Variants in FER1L5 observed in about 807,000 individuals in gnomAD.
The protein encoded by FER1L5 is fer-1-like protein 5.
FER1L5 carries 187 observed loss-of-function variants against 279.9 expected under a neutral mutation model. The observed-to-expected ratio is 0.67, with a 90% CI of 0.59 to 0.75. The LOEUF (loss-of-function observed/expected upper bound fraction) is 0.75. FER1L5 is among the 30% of genes least tolerant of loss of function. FER1L5 has a pLI of 0.00. For synonymous variants in FER1L5, 921 were observed against 989.7 expected (o/e 0.93, Z 1.30); for missense variants, 2,091 against 2,594.4 (o/e 0.81, Z 4.21).
In FER1L5 at chr2:96,704,352, A is replaced by T. The variant is rs376789647; in HGVS notation, c.5939A>T (p.Tyr1980Phe). ...GCACTTATGCTGTTTAACTTCATCT[A>T]TTCAGCTCCGGTGAGTGGCAGCCAT... Reference protein sequence around the residue: ...IIALMLFNFIYSAPHYLAMSW... With the variant: ...IIALMLFNFIFSAPHYLAMSW... The change falls in exon 52 of 53, where the codon TAT (tyrosine) becomes TTT (phenylalanine). Residue 1980 changes from tyrosine to phenylalanine, a missense_variant. Transcript: ENST00000624922. 17 of 1,613,768 alleles carry T rather than the reference A, an allele frequency of 1.1e-5. No homozygotes were observed. The highest frequency in any genetic ancestry group is 1.1e-5 in the Non-Finnish European group (13 of 1,179,862).
intron 51 of FER1L5, 111 bp from the exon 52 acceptor site, chr2:96,704,104 C>A: frequency 7.5e-7 from 1 of 1,327,332 alleles, no homozygotes; most frequent in Non-Finnish European, 1.0e-6. Context: ...GCGTGAGACA[C>A]TGTGCCTGGC....
rs1459648626 is a variant in FER1L5 at position 96,661,412 on chromosome 2, A to G, written c.866A>G (p.Tyr289Cys). The G allele has an allele frequency of 1.9e-6, 3 of 1,551,558 alleles. No individual in the cohort carries two copies. The highest frequency in any genetic ancestry group is 1.2e-5 in the South Asian group (1 of 84,062). ...ACAGGCTACCTGAAAGTCACCATCT[A>G]TGCCCTCGGTGTGGGAGACCAGGCC... ...GVTGYLKVTI[Y>C]ALGVGDQALI... The change falls in exon 11 of 53, where the codon TAT becomes TGT. Residue 289 changes from tyrosine to cysteine, a missense_variant. Coordinates refer to ENST00000624922, the MANE Select transcript of FER1L5 (RefSeq NM_001293083.2).
intron 42 of FER1L5, 39 bp downstream of exon 42, chr2:96,699,175 T>C (rs2077498049): frequency 6.4e-7 from 1 of 1,562,758 alleles, no homozygotes; most frequent in African/African-American, 1.4e-5. Context: ...TCTCCACTCC[T>C]ATCCACACCA....
rs748157279 is a variant in FER1L5, at chr2:96,695,870, C to T, written c.4023C>T (p.Pro1341=). ...IDFLQPYFCD[P]WAQDYMHPKL... ...TCCTCCAGCCCTACTTCTGTGACCC[C>T]TGGGCTCAAGACTATATGCACCCAA... Residue 1341 remains proline, a synonymous_variant, in exon 36 of 53, where the codon CCC becomes CCT. Transcript: ENST00000624922. The T allele has an allele frequency of 1.8e-5, 29 of 1,613,568 alleles. No individual in the cohort carries two copies. Among genetic ancestry groups the T allele is most frequent in the Admixed American group, 6.7e-5 (4 of 59,960 alleles).
At position 96,647,764 on chromosome 2, in the gene FER1L5, C is replaced by A. The variant is rs757432678; in HGVS notation, c.231-14C>A. On this transcript the variant is annotated splice_polypyrimidine_tract_variant and intron_variant, in intron 3 of 52. Coordinates refer to ENST00000624922, the MANE Select transcript of FER1L5 (RefSeq NM_001293083.2). ...CCTGGCTCAGGATCTCACATCTGCT[C>A]CTTGTCTCCCCAGATTCATTGGCCT... The A allele has an allele frequency of 6.0e-5, 92 of 1,541,762 alleles. 1 individual carries two copies. The East Asian group carries it at 2.3e-3, about 38-fold the overall frequency.
chr2:96,665,437 G>A (rs1445263376), intron 14 of FER1L5, among the ~76,000 whole-genome samples: 1 of 151,980 alleles, frequency 6.6e-6, no homozygotes, highest in Non-Finnish European at 1.5e-5. Context: ...CTGAAAGTAG[G>A]AAGACATTTC....
chr2:96,693,423 G>A (rs1553461818), intron 31 of FER1L5, 83 bp from the exon 32 acceptor site: 3 of 1,393,162 alleles, frequency 2.2e-6, no homozygotes, highest in Non-Finnish European at 2.9e-6. Flanking sequence ...GGCCCCACTG[G>A]GTCCAGTGGC....
At chr2:96,679,087 G>T (rs989526181) in intron 19 of FER1L5, among the ~76,000 whole-genome samples, 2 of 152,006 alleles carry the variant, frequency 1.3e-5, no homozygotes, top group African/African-American at 2.4e-5. Flanking sequence ...GGGTGTGGTG[G>T]CTCACGCCTG....
chr2:96,693,424 G>A (rs1031419713), intron 31 of FER1L5, 82 bp from the exon 32 acceptor site: 10 of 1,392,848 alleles, frequency 7.2e-6, no homozygotes, highest in African/African-American at 1.5e-5. Flanking sequence ...GCCCCACTGG[G>A]TCCAGTGGCT....
At chr2:96,695,188 A>G in intron 34 of FER1L5, 1 of 284,572 alleles carries the variant, frequency 3.5e-6, no homozygotes. Flanking sequence ...AGAACTGATG[A>G]GGCCAGACAA....
Position 96,700,343 on chromosome 2 carries a change from C to A in FER1L5, c.4942C>A (p.Pro1648Thr), listed in dbSNP as rs768372070. 6.2e-7 allele frequency: 1 copy of A among 1,613,370 alleles called. No individual in the cohort carries two copies. Among genetic ancestry groups the A allele is most frequent in the Admixed American group, 1.7e-5 (1 of 60,028 alleles). ...FKLQSFEPKT[P>T]TVHGLGPKKE... ...CCCCTCCAATCCAGAGCCCAAAACCCCTACTGTTCATGGTTTGGGACCCAA... is the reference window on the plus strand; with the variant it reads ...CCCCTCCAATCCAGAGCCCAAAACCACTACTGTTCATGGTTTGGGACCCAA... Residue 1648 changes from proline (P) to threonine (T), a missense_variant, in exon 45 of 53, where the codon CCT (proline) becomes ACT (threonine). Physicochemically the swap from Pro to Thr is conservative, Grantham distance 38. Transcript: ENST00000624922.
intron 44 of FER1L5, 31 bp from the exon 45 acceptor site, chr2:96,700,301 A>G (rs1205707496): frequency 2.5e-6 from 4 of 1,609,738 alleles, no homozygotes; most frequent in African/African-American, 2.7e-5. Context: ...ATGACCTCGC[A>G]ATCCCCTCCT....
At chr2:96,681,880 G>A (rs2076743023) in intron 19 of FER1L5, among the ~76,000 whole-genome samples, 1 of 149,068 alleles carries the variant, frequency 6.7e-6, no homozygotes, top group Admixed American at 6.7e-5. Flanking sequence ...CCACCTCTCG[G>A]GTTCAAGCAA....
rs1217735435 is a variant in FER1L5 at position 96,691,469 on chromosome 2, G to C, written c.2932G>C (p.Gly978Arg). ...QLGLAKGEEE[G>R]WEYDTFGSKF... is the part of the protein sequence containing the mutation. Reference sequence around the variant, plus strand: ...GGGCCTGGCCAAGGGCGAGGAGGAGGGCTGGGAGTATGACACCTTCGGCTC... The same window carrying C: ...GGGCCTGGCCAAGGGCGAGGAGGAGCGCTGGGAGTATGACACCTTCGGCTC... The change falls in exon 29 of 53, where the codon GGC becomes CGC. Residue 978 changes from glycine (G) to arginine (R), a missense_variant. Gly to Arg is a moderately radical substitution (Grantham distance 125). Transcript: ENST00000624922. The surrounding 1 kb of genome is among the most constrained non-coding windows in gnomAD (Gnocchi z 6.0). The C allele has an allele frequency of 2.6e-6, 4 of 1,546,630 alleles. No individual in the cohort carries two copies. In the South Asian group the frequency reaches 4.8e-5, roughly 19 times the overall value.
At chr2:96,685,017 G>A (rs1399648523) in intron 20 of FER1L5, among the ~76,000 whole-genome samples, 3 of 152,050 alleles carry the variant, frequency 2.0e-5, no homozygotes, top group Admixed American at 6.5e-5. Context: ...TGTAGTTCTC[G>A]GGAGCCACCT....
At position 96,700,448 on chromosome 2, in the gene FER1L5, C is replaced by G. The variant is rs2153309610; in HGVS notation, c.5047C>G (p.His1683Asp). The G allele has an allele frequency of 1.2e-6, 2 of 1,613,604 alleles. No individual in the cohort carries two copies. Among genetic ancestry groups the G allele is most frequent in the Non-Finnish European group, 1.7e-6 (2 of 1,179,884 alleles). The part of the protein sequence containing the change: ...EHVETRTLYS[H>D]SQPGIDQGKV... ...CGTGGAGACCCGCACACTGTACAGCCACAGCCAGCCAGGCATCGACCAGGT... is the reference window on the plus strand; with the variant it reads ...CGTGGAGACCCGCACACTGTACAGCGACAGCCAGCCAGGCATCGACCAGGT... Residue 1683 changes from histidine to aspartate, a missense_variant, in exon 45 of 53, where the codon CAC (histidine) becomes GAC (aspartate). By Grantham distance (81) the His-to-Asp change is moderately conservative (BLOSUM62 -1). Transcript: ENST00000624922.
At chr2:96,649,318 G>T (rs541448003) in intron 4 of FER1L5, among the ~76,000 whole-genome samples, 2 of 152,000 alleles carry the variant, frequency 1.3e-5, no homozygotes, top group African/African-American at 4.8e-5. Context: ...CTGTGTTCTG[G>T]GCTCAAGTCA....
intron 21 of FER1L5, among the ~76,000 whole-genome samples, 157 bp from the exon 22 acceptor site, chr2:96,685,783 C>T (rs2076900172): frequency 6.6e-6 from 1 of 152,192 alleles, no homozygotes; most frequent in Non-Finnish European, 1.5e-5. Flanking sequence ...AGCAGGCTTC[C>T]TATGGAGCAG....
At chr2:96,690,629 G>A (rs1450540210) in intron 27 of FER1L5, 40 bp downstream of exon 27, 1 of 1,520,592 alleles carries the variant, frequency 6.6e-7, no homozygotes, top group African/African-American at 1.4e-5. Context: ...GAGAGACCAG[G>A]GCCTCAAAAT....
Sources: gnomAD v4.1 joint callset for allele counts (sites outside exome capture counted in the v4.1 genomes callset) on GRCh38, gnomAD v4.1.1 for gene constraint, Gnocchi (gnomAD v3.1) non-coding constraint, MANE v1.5 for transcripts, NCBI Gene and HGNC (gene_info 2026-07-23, HGNC 2026-07-21) for gene names.